MASP1: variants seen among roughly 807,000 people sequenced by gnomAD.
MASP1 encodes the protein mannan-binding lectin serine protease 1.
Under a neutral mutation model 77.1 loss-of-function variants are expected in MASP1, and 59 were observed. The observed-to-expected ratio is 0.77, with a 90% CI of 0.62 to 0.95. The LOEUF (loss-of-function observed/expected upper bound fraction) is 0.95, where lower values mean the gene tolerates loss of function less well. Ranked by LOEUF, MASP1 falls within the 40% of genes least tolerant of loss-of-function variation. MASP1 has a pLI of 0.00. For missense variants in MASP1, 885 were observed against 912.9 expected (o/e 0.97, Z 0.39); for synonymous variants, 362 against 354.5 (o/e 1.02, Z -0.24).
exon 16 of MASP1, chr3:187,219,556 G>A (rs553582136): frequency 5.9e-6 from 1 of 168,826 alleles, no homozygotes; most frequent in African/African-American, 2.4e-5. Context: ...AGCATTTAAG[G>A]GCAGATGGAG....
Position 187,262,568 on chromosome 3 carries a change from G to A in MASP1, c.390C>T (p.Gly130=). 2 of 1,614,082 alleles carry A rather than the reference G, an allele frequency of 1.2e-6. No homozygotes were observed. The highest frequency in any genetic ancestry group is 1.1e-5 in the South Asian group (1 of 91,074). ...CCACAGCCATGTAGTGGGCATCAAA[G>A]CCTGTGAAACGCTCCTCATTGGAGA... is the stretch of plus-strand genomic sequence containing the variant. ...SDFSNEERFT[G]FDAHYMAVDV... The change falls in exon 3 of 11, where the codon GGC becomes GGT. Residue 130 remains glycine, a synonymous_variant. Transcript: ENST00000296280.
intron 14 of MASP1, chr3:187,223,120 A>C (rs949143839): frequency 6.2e-7 from 1 of 1,613,044 alleles, no homozygotes; most frequent in Non-Finnish European, 8.5e-7. Context: ...TATAAAGTGA[A>C]CTTCACCTCC....
chr3:187,263,544 T>C (rs1412605365), intron 2 of MASP1, among the ~76,000 whole-genome samples: 1 of 152,198 alleles, frequency 6.6e-6, no homozygotes, highest in Non-Finnish European at 1.5e-5. Context: ...TGCCATTAAT[T>C]CTGTGAGTAA....
chr3:187,218,115 T>C (rs1325047480), exon 16 of MASP1: 1 of 152,260 alleles, frequency 6.6e-6, no homozygotes, highest in Non-Finnish European at 1.5e-5. Context: ...GAAGCCTTCT[T>C]GATTGATATC....
At chr3:187,219,005 A>C (rs916102677) in exon 16 of MASP1, 1 of 152,250 alleles carries the variant, frequency 6.6e-6, no homozygotes, top group African/African-American at 2.4e-5. Flanking sequence ...GAAGGGAAGG[A>C]GGCCAGGGCC....
At position 187,273,905 on chromosome 3, in the gene MASP1, A is replaced by G. The variant is rs141093289; in HGVS notation, c.238-11185T>C. Among the ~76,000 whole-genome samples, 52 of 152,330 alleles carry G rather than the reference A, an allele frequency of 3.4e-4. No individual in the cohort carries two copies. The East Asian group carries it at 0.01, about 29-fold the overall frequency. On this transcript the variant is annotated intron_variant, in intron 2 of 10. Coordinates refer to ENST00000296280, the MANE Select transcript of MASP1 (RefSeq NM_139125.4). ...CAGTCCTGGCTCAAGTCTTTCGGCC[A>G]TAAAAAAAGAGTAATAATAATCAGC...
intron 2 of MASP1, among the ~76,000 whole-genome samples, chr3:187,266,287 T>C (rs979472136): frequency 2.0e-4 from 30 of 152,186 alleles, no homozygotes; most frequent in African/African-American, 6.8e-4. Flanking sequence ...TACACTTTAA[T>C]GTGAAGGGTG....
chr3:187,220,174 A>G, exon 16 of MASP1: 2 of 1,614,206 alleles, frequency 1.2e-6, no homozygotes, highest in Non-Finnish European at 1.7e-6. Context: ...ACCCCAGGAC[A>G]CAGTGCCCAC....
intron 2 of MASP1, among the ~76,000 whole-genome samples, chr3:187,284,534 T>C (rs1717691192): frequency 6.6e-6 from 1 of 152,194 alleles, no homozygotes; most frequent in African/African-American, 2.4e-5. Context: ...CAGAGACCTA[T>C]TGTAAATGGG....
intron 2 of MASP1, among the ~76,000 whole-genome samples, chr3:187,277,984 T>C (rs750868188): frequency 1.6e-4 from 25 of 152,200 alleles, no homozygotes; most frequent in Non-Finnish European, 3.5e-4. Flanking sequence ...TGACATTCAT[T>C]GAACATCTGG....
rs1429003809 is a variant in MASP1 at position 187,262,658 on chromosome 3, C to A, written c.300G>T (p.Gln100His). ...AGAGGACCACCTCCTGGCCGGGAGT[C>A]TGCTCTGTGTCTGTGGTCTCCCTGC... ...FCGRETTDTE[Q>H]TPGQEVVLSP... is the part of the protein sequence containing the mutation. The change falls in exon 3 of 11, where the codon CAG becomes CAT. Residue 100 changes from glutamine to histidine, a missense_variant. Transcript: ENST00000296280. The A allele has an allele frequency of 6.2e-7, 1 of 1,614,166 alleles. No individual in the cohort carries two copies. Among genetic ancestry groups the A allele is most frequent in the Non-Finnish European group, 8.5e-7 (1 of 1,180,014 alleles).
intron 8 of MASP1, 142 bp from the exon 9 acceptor site, chr3:187,243,763 C>T: frequency 9.7e-7 from 1 of 1,035,106 alleles, no homozygotes. Flanking sequence ...CTGAAGGGCA[C>T]CCCTGGGGTG....
chr3:187,283,047 G>A (rs983165627), intron 2 of MASP1, among the ~76,000 whole-genome samples: 2 of 152,152 alleles, frequency 1.3e-5, no homozygotes, highest in Non-Finnish European at 2.9e-5. Flanking sequence ...TCCACTCCAT[G>A]TCATTTGGGG....
At chr3:187,262,090 ACTGG>A (rs1715626678) in intron 3 of MASP1, among the ~76,000 whole-genome samples, 1 of 152,226 alleles carries the variant, frequency 6.6e-6, no homozygotes, top group African/African-American at 2.4e-5. Flanking sequence ...GCAGAGATTG[ACTGG>A]CAGGGACACA....
downstream of MASP1, chr3:187,229,844 G>A (rs533391559): frequency 1.3e-5 from 21 of 1,614,100 alleles, no homozygotes; most frequent in Admixed American, 1.0e-4. Context: ...TGGGCTGGGC[G>A]TCCATTGAAG....
intron 8 of MASP1, among the ~76,000 whole-genome samples, chr3:187,249,684 A>G (rs1714399835): frequency 6.6e-6 from 1 of 152,230 alleles, no homozygotes; most frequent in Admixed American, 6.5e-5. Context: ...GTTGAGGCGA[A>G]GGGTCTTATT....
Position 187,262,638 on chromosome 3 carries a change from A to C in MASP1, c.320T>G (p.Val107Gly). The C allele has an allele frequency of 6.2e-7, 1 of 1,614,048 alleles. No homozygotes were observed. The highest frequency in any genetic ancestry group is 1.1e-5 in the South Asian group (1 of 91,070). Residue 107 changes from valine (V) to glycine (G), a missense_variant, in exon 3 of 11, where the codon GTC becomes GGC. Transcript: ENST00000296280. Reference sequence around the variant, plus strand: ...GGACATGAAGGAGCCAGGGGAGAGGACCACCTCCTGGCCGGGAGTCTGCTC... The same window carrying C: ...GGACATGAAGGAGCCAGGGGAGAGGCCCACCTCCTGGCCGGGAGTCTGCTC... ...DTEQTPGQEV[V>G]LSPGSFMSIT...
chr3:187,241,459 A>G (rs763783195), intron 10 of MASP1, 22 bp downstream of exon 10: 12 of 1,608,094 alleles, frequency 7.5e-6, no homozygotes, highest in Non-Finnish European at 1.0e-5. Flanking sequence ...CTGTGAGGCA[A>G]AGGATTTGGA....
intron 13 of MASP1, among the ~76,000 whole-genome samples, chr3:187,224,058 G>T (rs1324766114): frequency 6.6e-6 from 1 of 152,214 alleles, no homozygotes; most frequent in Non-Finnish European, 1.5e-5. Flanking sequence ...TGTTGGCTCA[G>T]TTCCCCTAAA....
Sources: allele counts gnomAD v4.1 joint callset (sites outside exome capture counted in the v4.1 genomes callset), GRCh38; gene constraint gnomAD v4.1.1; transcripts MANE v1.5; gene names NCBI Gene and HGNC (gene_info 2026-07-23, HGNC 2026-07-21).